THTPA: variants seen among roughly 807,000 people sequenced by gnomAD.
THTPA encodes the protein thiamine triphosphatase, also known as thiamine-triphosphatase.
A neutral mutation model predicts 16.5 loss-of-function variants in THTPA; 16 were observed. The ratio of observed to expected loss-of-function variants is 0.97; its 90% CI spans 0.66 to 1.47. THTPA has a LOEUF of 1.47. Ranked by LOEUF, THTPA falls within the 40% of genes most tolerant of loss-of-function variation. THTPA has a pLI of 0.00. For missense variants in THTPA, 281 were observed against 280.9 expected, an observed-to-expected ratio of 1.00 and a Z score of 0.00; for synonymous variants, 110 against 115.5, an observed-to-expected ratio of 0.95 and a Z score of 0.30.
chr14:23,522,161 C>T, the THTPA span: 31 of 1,506,932 alleles, frequency 2.1e-5, no homozygotes, highest in Non-Finnish European at 2.6e-5. Flanking sequence ...TAGGGCTTCA[C>T]GCCCACTCAG....
chr14:23,545,519 G>A, the THTPA span, among the ~76,000 whole-genome samples: 115 of 152,190 alleles, frequency 7.6e-4, 1 homozygote, highest in East Asian at 0.014. Context: ...TCCTATCTCT[G>A]TCATACTCTC....
At chr14:23,532,594 G>A in the THTPA span, 1 of 1,445,820 alleles carries the variant, frequency 6.9e-7, no homozygotes. Flanking sequence ...TTTCTTCGTG[G>A]GCTGCACCCC....
At chr14:23,538,524 G>C in the THTPA span, among the ~76,000 whole-genome samples, 1 of 151,952 alleles carries the variant, frequency 6.6e-6, no homozygotes, top group African/African-American at 2.4e-5. Flanking sequence ...TGCAGAAACG[G>C]ACAGGCCTAA....
the THTPA span, chr14:23,533,403 C>T: frequency 6.7e-7 from 1 of 1,496,932 alleles, no homozygotes; most frequent in Non-Finnish European, 8.9e-7. This position sits in a 1 kb window ranked among gnomAD's most constrained non-coding sequence, Gnocchi z 4.8. Flanking sequence ...TCTGAGGCTG[C>T]CCTAGGGCCT....
At chr14:23,547,195 C>CTTTA in the THTPA span, among the ~76,000 whole-genome samples, 1 of 152,338 alleles carries the variant, frequency 6.6e-6, no homozygotes, top group South Asian at 2.1e-4. Context: ...TCACAGGGTT[C>CTTTA]TTTACATCAA....
the THTPA span, among the ~76,000 whole-genome samples, chr14:23,546,123 A>C: frequency 3.9e-5 from 6 of 152,300 alleles, no homozygotes; most frequent in East Asian, 9.7e-4. This position sits in a 1 kb window ranked among gnomAD's most constrained non-coding sequence, Gnocchi z 4.7. Context: ...GACTTTGCAC[A>C]TCAACGTGCT....
At chr14:23,534,920 G>C in the THTPA span, 4 of 1,536,174 alleles carry the variant, frequency 2.6e-6, no homozygotes, top group Non-Finnish European at 3.5e-6. This position sits in a 1 kb window ranked among gnomAD's most constrained non-coding sequence, Gnocchi z 4.5. Flanking sequence ...GGTAACAGGA[G>C]TTCACTGCCA....
At chr14:23,536,740 A>T in the THTPA span, among the ~76,000 whole-genome samples, 1 of 152,208 alleles carries the variant, frequency 6.6e-6, no homozygotes, top group African/African-American at 2.4e-5. Flanking sequence ...AAATGGACTG[A>T]TGAGGCACTG....
At position 23,556,573 on chromosome 14, in the gene THTPA, G is replaced by T. The variant is rs1445226877; in HGVS notation, c.-185G>T. 4.8e-6 allele frequency: 3 copies of T among 626,962 alleles called. No individual in the cohort carries two copies. Among genetic ancestry groups the T allele is most frequent in the African/African-American group, 1.8e-5 (1 of 54,542 alleles). 38.8% of individuals were successfully genotyped at this position (626,962 alleles called of 1,614,324 possible). On this transcript the variant is annotated 5_prime_UTR_variant, in exon 1 of 2. Coordinates refer to ENST00000288014, the MANE Select transcript of THTPA (RefSeq NM_024328.6). ...TCAGAGCCTTAAAATATCACCGACGGGGCCTTAATGTCACCGAGGTAGAGA... is the reference window on the plus strand; with the variant it reads ...TCAGAGCCTTAAAATATCACCGACGTGGCCTTAATGTCACCGAGGTAGAGA...
the THTPA span, chr14:23,526,940 C>T: frequency 6.5e-7 from 1 of 1,528,396 alleles, no homozygotes. Flanking sequence ...GCAGACAGCA[C>T]TTTGGTTGTA....
chr14:23,512,893 A>T, the THTPA span: 1 of 144,774 alleles, frequency 6.9e-6, no homozygotes, highest in Non-Finnish European at 1.5e-5. Flanking sequence ...GGGGAGGAAA[A>T]GAGGGGGGTC....
the THTPA span, chr14:23,521,199 G>A: frequency 6.6e-6 from 1 of 152,418 alleles, no homozygotes; most frequent in African/African-American, 2.4e-5. Context: ...GGTTTCTGGT[G>A]GCGGCATCCC....
the THTPA span, among the ~76,000 whole-genome samples, chr14:23,536,263 G>A: frequency 6.6e-6 from 1 of 152,200 alleles, no homozygotes; most frequent in African/African-American, 2.4e-5. Flanking sequence ...CTTTAGCACA[G>A]AAAACAATGC....
chr14:23,533,067 G>C, the THTPA span: 569 of 1,530,848 alleles, frequency 3.7e-4, no homozygotes, highest in Non-Finnish European at 4.6e-4. This position sits in a 1 kb window ranked among gnomAD's most constrained non-coding sequence, Gnocchi z 4.8. Flanking sequence ...TGGGCATCAG[G>C]GGATAGGCTT....
the THTPA span, chr14:23,520,826 A>G: frequency 6.6e-6 from 1 of 150,500 alleles, no homozygotes; most frequent in East Asian, 1.9e-4. This position sits in a 1 kb window ranked among gnomAD's most constrained non-coding sequence, Gnocchi z 8.7. Context: ...GGGAGCAGGG[A>G]GTGACACAAA....
chr14:23,539,771 G>GAAACACT, the THTPA span, among the ~76,000 whole-genome samples: 1 of 152,106 alleles, frequency 6.6e-6, no homozygotes, highest in East Asian at 1.9e-4. Context: ...GAGAGGAAAG[G>GAAACACT]AAACACTACT....
the THTPA span, chr14:23,534,074 G>A: frequency 2.0e-6 from 3 of 1,519,334 alleles, no homozygotes; most frequent in Non-Finnish European, 2.6e-6. The surrounding 1 kb of genome is among the most constrained non-coding windows in gnomAD (Gnocchi z 4.5). Context: ...AGGCGATAGG[G>A]CTGGGGTGGG....
the THTPA span, among the ~76,000 whole-genome samples, chr14:23,550,832 C>G: frequency 6.6e-6 from 1 of 152,154 alleles, no homozygotes; most frequent in Admixed American, 6.5e-5. Context: ...CCTCCCACTC[C>G]ACGCCCCAGC....
chr14:23,524,236 C>T, the THTPA span: 1 of 1,536,512 alleles, frequency 6.5e-7, no homozygotes, highest in Admixed American at 2.0e-5. The surrounding 1 kb of genome is among the most constrained non-coding windows in gnomAD (Gnocchi z 5.6). Flanking sequence ...GGAACCAGAC[C>T]TGTACCACTC....
Sources: allele counts gnomAD v4.1 joint callset (sites outside exome capture counted in the v4.1 genomes callset), GRCh38; gene constraint gnomAD v4.1.1; non-coding constraint Gnocchi (gnomAD v3.1); transcripts MANE v1.5; gene names NCBI Gene and HGNC (gene_info 2026-07-23, HGNC 2026-07-21).